The following UBE2E2 variants were observed in gnomAD, a reference collection of about 807,000 sequenced individuals.
The protein encoded by UBE2E2 is ubiquitin conjugating enzyme E2 E2, also known as ubiquitin-conjugating enzyme E2 E2.
Under a neutral mutation model 24.7 loss-of-function variants are expected in UBE2E2, and 6 were observed. The ratio of observed to expected loss-of-function variants is 0.24; its 90% confidence interval spans 0.13 to 0.48. The LOEUF is 0.48. Among genes scored for constraint, UBE2E2 ranks in the 20% least tolerant of loss-of-function variants. The pLI is 0.99. For missense variants in UBE2E2, 169 were observed against 245.0 expected (o/e 0.69, Z 2.07); for synonymous variants, 104 against 83.6 (o/e 1.24, Z -1.33).
At chr3:23,346,616 C>A (rs905322182) in intron 3 of UBE2E2, among the ~76,000 whole-genome samples, 2 of 152,212 alleles carry the variant, frequency 1.3e-5, no homozygotes, top group Non-Finnish European at 2.9e-5. Context: ...AAGATGTTCT[C>A]TTTTAAATGC....
intron 3 of UBE2E2, among the ~76,000 whole-genome samples, chr3:23,371,181 C>T (rs907309249): frequency 6.6e-6 from 1 of 152,024 alleles, no homozygotes; most frequent in African/African-American, 2.4e-5. Flanking sequence ...AGCTGCATGC[C>T]ACCGCACCTG....
chr3:23,455,683 C>G (rs572417421), intron 3 of UBE2E2, among the ~76,000 whole-genome samples: 3 of 152,040 alleles, frequency 2.0e-5, no homozygotes, highest in South Asian at 4.1e-4. Flanking sequence ...AGAGCGAGAC[C>G]CTGTCTCTTA....
At chr3:23,522,757 G>T (rs1192519642) in intron 4 of UBE2E2, among the ~76,000 whole-genome samples, 1 of 151,926 alleles carries the variant, frequency 6.6e-6, no homozygotes, top group East Asian at 1.9e-4. Flanking sequence ...TTTTCCTAAG[G>T]GATTATTTTA....
chr3:23,483,003 A>G (rs13095737), intron 3 of UBE2E2, among the ~76,000 whole-genome samples: 9,767 of 152,284 alleles, frequency 0.064, 470 homozygotes, highest in Non-Finnish European at 0.088. Flanking sequence ...TCAGACTATA[A>G]TAACTCTAAT....
intron 3 of UBE2E2, among the ~76,000 whole-genome samples, chr3:23,427,882 G>T (rs192256939): frequency 1.5e-4 from 23 of 152,302 alleles, no homozygotes; most frequent in Non-Finnish European, 1.5e-5. Context: ...AATCCTTAAT[G>T]TGTATGTGCA....
At chr3:23,254,098 C>T (rs1373737313) in intron 3 of UBE2E2, among the ~76,000 whole-genome samples, 1 of 152,128 alleles carries the variant, frequency 6.6e-6, no homozygotes, top group Non-Finnish European at 1.5e-5. Flanking sequence ...TGAGAGTACC[C>T]TCAAATATAG....
At chr3:23,354,179 G>C (rs1277619152) in intron 3 of UBE2E2, among the ~76,000 whole-genome samples, 4 of 152,036 alleles carry the variant, frequency 2.6e-5, no homozygotes, top group African/African-American at 4.8e-5. Context: ...AAACTGGCTA[G>C]CCATATGTAG....
At chr3:23,555,703 A>G (rs28787705) in intron 5 of UBE2E2, among the ~76,000 whole-genome samples, 1,744 of 152,338 alleles carry the variant, frequency 0.011, 30 homozygotes, top group African/African-American at 0.038. Context: ...AATATTATTC[A>G]GCCTTTAAAA....
At chr3:23,389,399 T>C (rs1368475342) in intron 3 of UBE2E2, among the ~76,000 whole-genome samples, 3 of 152,004 alleles carry the variant, frequency 2.0e-5, no homozygotes, top group Non-Finnish European at 4.4e-5. Context: ...ACGAATGGAG[T>C]TGACTGCTAG....
chr3:23,225,242 A>ATT (rs35016740), intron 3 of UBE2E2, among the ~76,000 whole-genome samples: 18 of 147,922 alleles, frequency 1.2e-4, no homozygotes, highest in South Asian at 4.3e-4. Context: ...CATTCTGTGG[A>ATT]TTTTTTTTTT....
intron 3 of UBE2E2, among the ~76,000 whole-genome samples, chr3:23,299,701 C>T (rs1335838602): frequency 6.6e-6 from 1 of 152,148 alleles, no homozygotes; most frequent in African/African-American, 2.4e-5. Context: ...GCTTTACTTC[C>T]ACCTATGTGG....
intron 3 of UBE2E2, among the ~76,000 whole-genome samples, chr3:23,245,066 C>G (rs996021850): frequency 3.9e-5 from 6 of 152,040 alleles, no homozygotes; most frequent in Admixed American, 3.9e-4. Flanking sequence ...TGAGAATATC[C>G]TTTGGGCTTA....
Position 23,540,227 on chromosome 3 carries a change from C to T in UBE2E2, c.508+7526C>T, listed in dbSNP as rs1322122904. On this transcript the variant is annotated intron_variant, in intron 5 of 5. Transcript: ENST00000396703. ...TTCTCAGATAATATTGTTTTAATAC[C>T]ATTAATTTTCATGAAAACCATTTTT... 1.3e-5 allele frequency among the ~76,000 whole-genome samples: 2 copies of T among 151,966 alleles called. 1 individual carries two copies. Among genetic ancestry groups the T allele is most frequent in the Non-Finnish European group, 2.9e-5 (2 of 67,992 alleles).
chr3:23,328,901 A>G (rs1325114658), intron 3 of UBE2E2, among the ~76,000 whole-genome samples: 8 of 152,096 alleles, frequency 5.3e-5, no homozygotes, highest in Admixed American at 4.6e-4. Context: ...ACCTCAAATG[A>G]TCCGCCCACC....
intron 3 of UBE2E2, among the ~76,000 whole-genome samples, chr3:23,260,073 T>C (rs1313751488): frequency 2.6e-5 from 4 of 152,242 alleles, no homozygotes; most frequent in Non-Finnish European, 5.9e-5. Flanking sequence ...TTCATCACAA[T>C]GGTGTCCTAG....
chr3:23,311,926 T>C (rs185391668), intron 3 of UBE2E2, among the ~76,000 whole-genome samples: 1 of 152,252 alleles, frequency 6.6e-6, no homozygotes, highest in African/African-American at 2.4e-5. Context: ...AAATCTCATG[T>C]TGAATTGTAA....
chr3:23,556,964 T>C (rs1186826853), intron 5 of UBE2E2, among the ~76,000 whole-genome samples: 1 of 152,200 alleles, frequency 6.6e-6, no homozygotes, highest in Non-Finnish European at 1.5e-5. Context: ...CATAGGCTAA[T>C]TGATCTAAAC....
chr3:23,252,646 GC>G (rs1160129168), intron 3 of UBE2E2, among the ~76,000 whole-genome samples: 1 of 152,146 alleles, frequency 6.6e-6, no homozygotes, highest in African/African-American at 2.4e-5. Context: ...ACAGGCACGT[GC>G]CGCCGCATCC....
At chr3:23,586,829 A>T (rs1054785643) in intron 5 of UBE2E2, among the ~76,000 whole-genome samples, 1 of 152,204 alleles carries the variant, frequency 6.6e-6, no homozygotes, top group East Asian at 1.9e-4. Flanking sequence ...TTATCTATGT[A>T]AAAAGTTATT....
Sources: allele counts gnomAD v4.1 joint callset (sites outside exome capture counted in the v4.1 genomes callset), GRCh38; gene constraint gnomAD v4.1.1; transcripts MANE v1.5; gene names NCBI Gene and HGNC (gene_info 2026-07-23, HGNC 2026-07-21).